Variants in PRELID2 observed in about 807,000 individuals in gnomAD.
PRELID2 encodes PRELI domain-containing protein 2.
A neutral mutation model predicts 28.4 loss-of-function variants in PRELID2; 25 were observed. The observed-to-expected ratio is 0.88, with a 90% CI of 0.64 to 1.23. The LOEUF (loss-of-function observed/expected upper bound fraction) is 1.23, where lower values mean the gene tolerates loss of function less well. Among genes scored for constraint, PRELID2 ranks in the 50% most tolerant of loss-of-function variants. The pLI is 0.00. For synonymous variants in PRELID2, 76 were observed against 71.6 expected (o/e 1.06, Z -0.31); for missense variants, 201 against 214.4 (o/e 0.94, Z 0.39).
intron 5 of PRELID2, among the ~76,000 whole-genome samples, chr5:145,794,180 G>A (rs1283293338): frequency 6.6e-6 from 1 of 152,160 alleles, no homozygotes; most frequent in Non-Finnish European, 1.5e-5. Flanking sequence ...CACAGAAAGA[G>A]TGGAATAAAA....
the PRELID2 span, chr5:145,229,057 TG>T: frequency 1.4e-5 from 23 of 1,590,610 alleles, no homozygotes; most frequent in Non-Finnish European, 1.7e-5. Flanking sequence ...TCCAGCGCAC[TG>T]TATGAGGACC....
chr5:145,247,834 T>C, the PRELID2 span, among the ~76,000 whole-genome samples: 1 of 152,066 alleles, frequency 6.6e-6, no homozygotes, highest in African/African-American at 2.4e-5. Context: ...CATCCTACAT[T>C]CTAGTTCAGA....
chr5:145,591,626 G>C (rs183152923), intron 1 of PRELID2, among the ~76,000 whole-genome samples: 1 of 152,168 alleles, frequency 6.6e-6, no homozygotes, highest in East Asian at 1.9e-4. Context: ...TTACTCAAAA[G>C]CTCTTGAGAA....
At chr5:145,626,129 T>C (rs1753841569) in intron 1 of PRELID2, among the ~76,000 whole-genome samples, 1 of 152,132 alleles carries the variant, frequency 6.6e-6, no homozygotes, top group Non-Finnish European at 1.5e-5. Flanking sequence ...AGGCAAATAA[T>C]TTATGACTAG....
At chr5:145,671,199 A>AG (rs1273497476) in intron 1 of PRELID2, among the ~76,000 whole-genome samples, 8 of 152,314 alleles carry the variant, frequency 5.3e-5, no homozygotes, top group African/African-American at 1.9e-4. Flanking sequence ...ATTAAGGAAA[A>AG]GGGGGTTAAA....
intron 5 of PRELID2, among the ~76,000 whole-genome samples, chr5:145,782,872 T>TA (rs1431085790): frequency 6.6e-6 from 1 of 152,160 alleles, no homozygotes; most frequent in Non-Finnish European, 1.5e-5. Context: ...GAATTTTTTT[T>TA]AAAAAGTCAT....
At chr5:145,357,395 C>A in the PRELID2 span, among the ~76,000 whole-genome samples, 5 of 152,134 alleles carry the variant, frequency 3.3e-5, no homozygotes, top group African/African-American at 1.2e-4. Flanking sequence ...GATTTGGTTT[C>A]TTTACATAAT....
intron 1 of PRELID2, among the ~76,000 whole-genome samples, chr5:145,617,735 T>C (rs1467348019): frequency 6.7e-6 from 1 of 149,626 alleles, no homozygotes; most frequent in African/African-American, 2.4e-5. Context: ...TTCTTTCTTT[T>C]TTTTTTTTTT....
chr5:145,675,572 T>C (rs1333245477), intron 1 of PRELID2, among the ~76,000 whole-genome samples: 1 of 152,160 alleles, frequency 6.6e-6, no homozygotes, highest in Non-Finnish European at 1.5e-5. Context: ...AAAATTATCT[T>C]TTACAGCACA....
chr5:145,764,943 A>T lies in PRELID2; in HGVS notation c.532T>A (p.Ter178LysextTer38), dbSNP rs201058037. ...KEQCGAPLAE* is the reference protein window; with the variant it reads ...KEQCGAPLAEK ...TTTTGGTACTCACTGATGATTCTTTATTCAGCTAAGGGGGCACCACACTGT... is the reference window on the plus strand; with the variant it reads ...TTTTGGTACTCACTGATGATTCTTTTTTCAGCTAAGGGGGCACCACACTGT... Residue 178 changes from the stop codon to lysine (K), a stop_lost, in exon 6 of 7, where the codon TAA becomes AAA. Transcript: ENST00000683046. 3.2e-5 allele frequency: 52 copies of T among 1,611,656 alleles called. No homozygotes were observed. The East Asian group carries it at 8.0e-4, about 25-fold the overall frequency.
the PRELID2 span, among the ~76,000 whole-genome samples, chr5:145,337,248 C>G: frequency 2.6e-5 from 4 of 151,588 alleles, no homozygotes; most frequent in South Asian, 6.2e-4. Flanking sequence ...AGACAAAACA[C>G]AATAGAAAAG....
chr5:145,537,656 T>C (rs546411410), intron 1 of PRELID2, among the ~76,000 whole-genome samples: 2 of 152,050 alleles, frequency 1.3e-5, no homozygotes, highest in East Asian at 3.9e-4. Context: ...GCCTGTTTTT[T>C]TAATTGGGCT....
chr5:145,628,260 G>T (rs62394227), intron 1 of PRELID2, among the ~76,000 whole-genome samples: 13,838 of 151,996 alleles, frequency 0.091, 834 homozygotes, highest in Admixed American at 0.2. Context: ...CTCACAAGAA[G>T]AAATGTGTTT....
At chr5:145,811,339 A>C (rs960901561) in intron 4 of PRELID2, among the ~76,000 whole-genome samples, 4 of 152,048 alleles carry the variant, frequency 2.6e-5, no homozygotes, top group Admixed American at 1.3e-4. Context: ...CCCAGGTTGG[A>C]ATTCAATGGC....
the PRELID2 span, among the ~76,000 whole-genome samples, chr5:145,429,107 C>G: frequency 6.6e-6 from 1 of 152,148 alleles, no homozygotes; most frequent in Non-Finnish European, 1.5e-5. Flanking sequence ...TTTAAAAGAG[C>G]ACTTTGGAGA....
intron 1 of PRELID2, among the ~76,000 whole-genome samples, chr5:145,690,274 A>G (rs1176859370): frequency 6.6e-6 from 1 of 152,148 alleles, no homozygotes; most frequent in African/African-American, 2.4e-5. Context: ...ATAACAGGCC[A>G]CAGCCACCGC....
chr5:145,305,380 C>T, the PRELID2 span, among the ~76,000 whole-genome samples: 52 of 152,272 alleles, frequency 3.4e-4, 1 homozygote, highest in Non-Finnish European at 5.9e-4. Context: ...AGAAAGATTG[C>T]TTGAAAGACC....
the PRELID2 span, among the ~76,000 whole-genome samples, chr5:145,376,443 A>AT: frequency 6.6e-6 from 1 of 152,042 alleles, no homozygotes; most frequent in African/African-American, 2.4e-5. Context: ...CTTCTCCTCA[A>AT]TTTTTTTGTA....
At chr5:145,292,382 T>C in the PRELID2 span, among the ~76,000 whole-genome samples, 10 of 152,234 alleles carry the variant, frequency 6.6e-5, no homozygotes, top group East Asian at 1.9e-4. Flanking sequence ...TGAAAATGCA[T>C]AGTGGTTTGT....
Sources: allele counts gnomAD v4.1 joint callset (sites outside exome capture counted in the v4.1 genomes callset), GRCh38; gene constraint gnomAD v4.1.1; transcripts MANE v1.5; gene names NCBI Gene and HGNC (gene_info 2026-07-23, HGNC 2026-07-21).